Variants in OXR1 observed in about 807,000 individuals in gnomAD.
The protein encoded by OXR1 is oxidation resistance protein 1.
A neutral mutation model predicts 104.6 loss-of-function variants in OXR1; 41 were observed. That is an observed-to-expected ratio of 0.39 (90% CI 0.31 to 0.51). OXR1 has a LOEUF of 0.51. OXR1 is among the 20% of genes least tolerant of loss of function. The probability of loss-of-function intolerance (pLI) is 0.77; values close to 1 mark genes in which losing one functional copy is unlikely to be tolerated. For missense variants in OXR1, 955 were observed against 1,031.9 expected, an observed-to-expected ratio of 0.93 and a Z score of 1.02; for synonymous variants, 348 against 348.4, an observed-to-expected ratio of 1.00 and a Z score of 0.01.
intron 2 of OXR1, among the ~76,000 whole-genome samples, chr8:106,390,265 C>T (rs79167965): frequency 0.045 from 6,801 of 152,132 alleles, 524 homozygotes; most frequent in African/African-American, 0.15. Flanking sequence ...TGAATGTCTG[C>T]TTTGTGCCAG....
chr8:106,373,353 T>C (rs1563742653), intron 2 of OXR1, among the ~76,000 whole-genome samples: 1 of 152,168 alleles, frequency 6.6e-6, no homozygotes, highest in Non-Finnish European at 1.5e-5. Context: ...AACACAAAAG[T>C]GCATTAAACA....
Position 106,368,711 on chromosome 8 carries a change from G to A in OXR1, c.23+9075G>A, listed in dbSNP as rs187394665. Among the ~76,000 whole-genome samples the A allele has an allele frequency of 9.2e-5, 14 of 152,250 alleles. 1 individual carries two copies. The East Asian group carries it at 2.7e-3, about 29-fold the overall frequency. On this transcript the variant is annotated intron_variant, in intron 2 of 16. Coordinates refer to ENST00000517566, the MANE Select transcript of OXR1 (RefSeq NM_001198533.2). ...GATGATGGCTTCCAGCTTCATCCAT[G>A]TCCCTGCAAAAACATGATCTCATTC...
At chr8:106,556,037 G>A (rs1426453896) in intron 3 of OXR1, among the ~76,000 whole-genome samples, 2 of 151,300 alleles carry the variant, frequency 1.3e-5, no homozygotes, top group Non-Finnish European at 2.9e-5. Flanking sequence ...GTTAAATGAA[G>A]TAAGACAGAA....
intron 3 of OXR1, among the ~76,000 whole-genome samples, chr8:106,647,180 A>T (rs1488655267): frequency 6.6e-6 from 1 of 152,196 alleles, no homozygotes; most frequent in Non-Finnish European, 1.5e-5. Flanking sequence ...TGAAGGAGTT[A>T]ACACCTTTTG....
At chr8:106,654,427 G>A (rs886391590) in intron 3 of OXR1, among the ~76,000 whole-genome samples, 4 of 151,982 alleles carry the variant, frequency 2.6e-5, no homozygotes, top group Non-Finnish European at 5.9e-5. Context: ...AAAGACAATG[G>A]GGGAAAAATC....
chr8:106,523,435 C>T (rs796363980), intron 3 of OXR1, among the ~76,000 whole-genome samples: 19 of 152,266 alleles, frequency 1.2e-4, no homozygotes, highest in African/African-American at 4.6e-4. Flanking sequence ...CTGATATATA[C>T]ACATGCAAAT....
At chr8:106,362,463 A>G (rs1056267499) in intron 2 of OXR1, among the ~76,000 whole-genome samples, 1 of 152,224 alleles carries the variant, frequency 6.6e-6, no homozygotes, top group Non-Finnish European at 1.5e-5. Context: ...CTTTTTATAC[A>G]TTAAAGAAAC....
rs9297379 is a variant in OXR1, at chr8:106,321,390, G to A, written c.-138-38086G>A. On this transcript the variant is annotated intron_variant, in intron 1 of 16. Transcript: ENST00000517566. ...TGAGGAGGGTCCTTGGACAGTGGAC[G>A]TGTGACTGGTAGTAACATGTGGTCC... Among the ~76,000 whole-genome samples the A allele has an allele frequency of 2.7e-3, 405 of 152,052 alleles. 1 individual carries two copies. Among genetic ancestry groups the A allele is most frequent in the African/African-American group, 8.9e-3 (370 of 41,438 alleles).
chr8:106,451,214 T>C (rs1318128171), intron 2 of OXR1, among the ~76,000 whole-genome samples: 2 of 152,224 alleles, frequency 1.3e-5, no homozygotes, highest in Non-Finnish European at 2.9e-5. Context: ...GTTGATACTC[T>C]GAACATTCCA....
chr8:106,749,432 G>C (rs565347099), intron 16 of OXR1, among the ~76,000 whole-genome samples: 1 of 152,068 alleles, frequency 6.6e-6, no homozygotes, highest in East Asian at 1.9e-4. Flanking sequence ...AAGCCTGAAG[G>C]TCAGAGGTTA....
At chr8:106,696,258 A>C (rs1474932028) in intron 7 of OXR1, among the ~76,000 whole-genome samples, 2 of 152,140 alleles carry the variant, frequency 1.3e-5, no homozygotes, top group African/African-American at 4.8e-5. Context: ...TCTTTCACTT[A>C]GCAATGTGTG....
intron 3 of OXR1, among the ~76,000 whole-genome samples, chr8:106,641,935 C>T (rs1455647719): frequency 8.4e-6 from 1 of 118,378 alleles, no homozygotes; most frequent in Non-Finnish European, 1.8e-5. Flanking sequence ...AAGTTTAATG[C>T]CTATTTAATT....
intron 3 of OXR1, among the ~76,000 whole-genome samples, chr8:106,624,382 A>G (rs1413596276): frequency 6.6e-6 from 1 of 152,232 alleles, no homozygotes; most frequent in Non-Finnish European, 1.5e-5. Flanking sequence ...CGATGGGGGC[A>G]TCTCTGAGAA....
At chr8:106,404,353 A>C (rs1276170967) in intron 2 of OXR1, among the ~76,000 whole-genome samples, 2 of 152,164 alleles carry the variant, frequency 1.3e-5, no homozygotes, top group Admixed American at 6.5e-5. Context: ...CTCCATCCCA[A>C]CTTACAGGAT....
intron 1 of OXR1, among the ~76,000 whole-genome samples, chr8:106,294,030 T>A (rs7844718): frequency 0.31 from 46,374 of 147,514 alleles, 10,384 homozygotes; most frequent in African/African-American, 0.64. Context: ...CATTTTTTTT[T>A]AAAAAGTCAA....
At chr8:106,588,359 T>C (rs1818814279) in intron 3 of OXR1, among the ~76,000 whole-genome samples, 1 of 152,098 alleles carries the variant, frequency 6.6e-6, no homozygotes, top group Non-Finnish European at 1.5e-5. Flanking sequence ...TTATCTTTGA[T>C]AGGACTGCCA....
chr8:106,525,217 G>A (rs907875512), intron 3 of OXR1, among the ~76,000 whole-genome samples: 3 of 152,328 alleles, frequency 2.0e-5, no homozygotes, highest in Admixed American at 2.0e-4. Context: ...AACATTTACT[G>A]TGTGCCAGGA....
chr8:106,355,701 T>TTTTTCC (rs1815938851), intron 1 of OXR1, among the ~76,000 whole-genome samples: 1 of 152,070 alleles, frequency 6.6e-6, no homozygotes, highest in South Asian at 2.1e-4. Context: ...GTTTTTTTTC[T>TTTTTCC]TTTTCTTTTT....
At chr8:106,679,697 C>T (rs571729528) in intron 4 of OXR1, among the ~76,000 whole-genome samples, 2 of 151,482 alleles carry the variant, frequency 1.3e-5, no homozygotes, top group East Asian at 1.9e-4. Context: ...CCAGTATAAC[C>T]TTCCACATTA....
Sources: allele counts gnomAD v4.1 joint callset (sites outside exome capture counted in the v4.1 genomes callset), GRCh38; gene constraint gnomAD v4.1.1; transcripts MANE v1.5; gene names NCBI Gene and HGNC (gene_info 2026-07-23, HGNC 2026-07-21).